Variants in HDLBP observed in about 807,000 individuals in gnomAD.
HDLBP encodes the protein vigilin.
A neutral mutation model predicts 137.3 loss-of-function variants in HDLBP; 30 were observed. That is an observed-to-expected ratio of 0.22 (90% confidence interval 0.16 to 0.30). The LOEUF (loss-of-function observed/expected upper bound fraction) is 0.30, where lower values mean the gene tolerates loss of function less well. HDLBP is among the 10% of genes least tolerant of loss of function. HDLBP has a pLI of 1.00. For missense variants in HDLBP, 1,119 were observed against 1,667.3 expected (o/e 0.67, Z 5.73); for synonymous variants, 606 against 596.0 (o/e 1.02, Z -0.24).
intron 12 of HDLBP, among the ~76,000 whole-genome samples, chr2:241,248,781 C>T (rs1463053594): frequency 6.6e-6 from 1 of 151,944 alleles, no homozygotes; most frequent in Non-Finnish European, 1.5e-5. Context: ...GAGGGTGGCT[C>T]GGACCACTTT....
intron 1 of HDLBP, among the ~76,000 whole-genome samples, chr2:241,295,462 C>CA (rs1411581881): frequency 6.6e-6 from 1 of 152,026 alleles, no homozygotes; most frequent in Non-Finnish European, 1.5e-5. Context: ...GGCAAGTTGG[C>CA]AAAACAAAAA....
chr2:241,256,134 C>G, intron 7 of HDLBP, 50 bp downstream of exon 7: 1 of 1,502,706 alleles, frequency 6.7e-7, no homozygotes, highest in African/African-American at 1.4e-5. Context: ...AGACCCAAAT[C>G]CTCATTTCTA....
chr2:241,284,316 AG>A (rs1192161377), intron 1 of HDLBP, among the ~76,000 whole-genome samples: 1 of 151,982 alleles, frequency 6.6e-6, no homozygotes, highest in African/African-American at 2.4e-5. Context: ...CATGACTTTG[AG>A]GGGTTCAAGA....
chr2:241,271,021 C>G (rs931447485), intron 1 of HDLBP: 1 of 985,380 alleles, frequency 1.0e-6, no homozygotes, highest in African/African-American at 1.7e-5. Context: ...GGGTCCACCC[C>G]TGCATGGCTG....
At chr2:241,231,064 C>T (rs972762769) in intron 24 of HDLBP, 120 bp from the exon 25 acceptor site, 24 of 836,736 alleles carry the variant, frequency 2.9e-5, no homozygotes, top group Admixed American at 2.1e-4. Context: ...AGCAACGTCA[C>T]GGCTGATTTA....
intron 1 of HDLBP, among the ~76,000 whole-genome samples, chr2:241,291,769 A>C (rs1177162414): frequency 6.6e-6 from 1 of 152,194 alleles, no homozygotes; most frequent in Admixed American, 6.5e-5. Context: ...TTGAGATGGG[A>C]GATCATTTTG....
chr2:241,293,913 C>A (rs1296226757), intron 1 of HDLBP, among the ~76,000 whole-genome samples: 2 of 145,910 alleles, frequency 1.4e-5, no homozygotes, highest in African/African-American at 2.5e-5. Context: ...GGGTGCGAGA[C>A]CCTGCCTCAA....
intron 1 of HDLBP, among the ~76,000 whole-genome samples, chr2:241,282,733 C>T (rs1230576078): frequency 4.6e-5 from 7 of 152,108 alleles, no homozygotes; most frequent in East Asian, 1.9e-4. Flanking sequence ...CCACAAACCA[C>T]GCTCATACAA....
chr2:241,304,931 C>A (rs1341181549), intron 1 of HDLBP, among the ~76,000 whole-genome samples: 1 of 152,204 alleles, frequency 6.6e-6, no homozygotes, highest in Admixed American at 6.5e-5. Flanking sequence ...TGTCTCTTCT[C>A]CTATAAAAAG....
chr2:241,250,260 T>C, intron 11 of HDLBP: 1 of 300,966 alleles, frequency 3.3e-6, no homozygotes, highest in Non-Finnish European at 6.1e-6. Context: ...TTGGGGCCAC[T>C]CAGTCTGGGA....
chr2:241,283,470 GCTT>G (rs749626745), intron 1 of HDLBP, among the ~76,000 whole-genome samples: 26 of 151,790 alleles, frequency 1.7e-4, no homozygotes, highest in East Asian at 3.9e-4. Flanking sequence ...TAGCTAGATG[GCTT>G]CTTTTTTTTT....
chr2:241,276,788 A>T (rs962518321), intron 1 of HDLBP, among the ~76,000 whole-genome samples: 7 of 152,210 alleles, frequency 4.6e-5, no homozygotes, highest in African/African-American at 1.7e-4. Context: ...CAAAACATAT[A>T]AAGTAAAAAC....
At position 241,229,698 on chromosome 2, in the gene HDLBP, A is replaced by T; in HGVS notation, c.3721-11T>A. ...GCTCATGTCAGGAGCCTGTGCAGAG[A>T]GAGGACACGGCTTCAGGAGGGGATG... On this transcript the variant is annotated splice_polypyrimidine_tract_variant and intron_variant, in intron 27 of 27. Transcript: ENST00000310931. 1 of 1,613,914 alleles carries T rather than the reference A, an allele frequency of 6.2e-7. No individual in the cohort carries two copies. The highest frequency in any genetic ancestry group is 8.5e-7 in the Non-Finnish European group (1 of 1,179,830).
intron 1 of HDLBP, among the ~76,000 whole-genome samples, chr2:241,277,234 C>T (rs1267496039): frequency 6.6e-6 from 1 of 151,920 alleles, no homozygotes; most frequent in Admixed American, 6.6e-5. Context: ...TTAAGCCATC[C>T]TATTAGTGAA....
intron 1 of HDLBP, among the ~76,000 whole-genome samples, chr2:241,305,454 G>T (rs376445698): frequency 1.1e-4 from 16 of 152,224 alleles, no homozygotes; most frequent in African/African-American, 3.1e-4. Context: ...AAAAAACGGG[G>T]CCTGTGATGG....
rs989582498 is a variant in HDLBP at position 241,240,535 on chromosome 2, T to C, written c.2170-413A>G. On this transcript the variant is annotated intron_variant, in intron 17 of 27. Coordinates refer to ENST00000310931, the MANE Select transcript of HDLBP (RefSeq NM_005336.6). This position sits in a 1 kb window ranked among gnomAD's most constrained non-coding sequence, Gnocchi z 5.5. ...AGCAGGAAGCAAGCTGCCCAAGAGG[T>C]GTGCACCATGCTCCCACTCTTCTAC... 2.6e-5 allele frequency among the ~76,000 whole-genome samples: 4 copies of C among 151,790 alleles called. No individual in the cohort carries two copies. The highest frequency in any genetic ancestry group is 9.7e-5 in the African/African-American group (4 of 41,304).
At chr2:241,294,702 CTAAT>C (rs1447860487) in intron 1 of HDLBP, among the ~76,000 whole-genome samples, 7 of 152,164 alleles carry the variant, frequency 4.6e-5, no homozygotes, top group Admixed American at 3.9e-4. Context: ...AAACACGAGC[CTAAT>C]TAATTGATCA....
chr2:241,287,319 C>T, intron 1 of HDLBP, among the ~76,000 whole-genome samples: 1 of 151,926 alleles, frequency 6.6e-6, no homozygotes, highest in Non-Finnish European at 1.5e-5. Context: ...CATTGTTGGC[C>T]AGGCTGGTCT....
rs1326746334 is a variant in HDLBP, at chr2:241,240,705, A to T, written c.2170-583T>A. ...ACAAGCCAACCAAGGCTACAGTTAG[A>T]GACCGGTCCTCAGAGGCCTCGTGTA... On this transcript the variant is annotated intron_variant, in intron 17 of 27. Coordinates refer to ENST00000310931, the MANE Select transcript of HDLBP (RefSeq NM_005336.6). This position sits in a 1 kb window ranked among gnomAD's most constrained non-coding sequence, Gnocchi z 5.5. Among the ~76,000 whole-genome samples the T allele has an allele frequency of 2.0e-5, 3 of 151,454 alleles. No individual in the cohort carries two copies. The East Asian group carries it at 5.8e-4, about 29-fold the overall frequency.
Sources: allele counts gnomAD v4.1 joint callset (sites outside exome capture counted in the v4.1 genomes callset), GRCh38; gene constraint gnomAD v4.1.1; non-coding constraint Gnocchi (gnomAD v3.1); transcripts MANE v1.5; gene names NCBI Gene and HGNC (gene_info 2026-07-23, HGNC 2026-07-21).